Variants in IL1RAP observed in about 807,000 individuals in gnomAD.
IL1RAP encodes the protein interleukin-1 receptor accessory protein.
IL1RAP carries 35 observed loss-of-function variants against 60.7 expected under a neutral mutation model. The observed-to-expected ratio is 0.58, with a 90% CI of 0.44 to 0.76. The LOEUF is 0.76. IL1RAP is among the 30% of genes least tolerant of loss of function. The pLI, the probability that IL1RAP is intolerant of heterozygous loss-of-function variation, is 0.00. For synonymous variants in IL1RAP, 268 were observed against 250.9 expected, an observed-to-expected ratio of 1.07 and a Z score of -0.64; for missense variants, 572 against 693.9, an observed-to-expected ratio of 0.82 and a Z score of 1.97.
chr3:190,603,024 A>C (rs1378452192), intron 3 of IL1RAP, among the ~76,000 whole-genome samples: 1 of 152,152 alleles, frequency 6.6e-6, no homozygotes, highest in Non-Finnish European at 1.5e-5. Flanking sequence ...AAATTCTTTA[A>C]AAGAAGTTTG....
At chr3:190,596,004 T>A (rs918389323) in intron 3 of IL1RAP, among the ~76,000 whole-genome samples, 14 of 152,202 alleles carry the variant, frequency 9.2e-5, no homozygotes, top group South Asian at 6.2e-4. Flanking sequence ...CACAGCACTG[T>A]AAGATAGGCA....
intron 1 of IL1RAP, among the ~76,000 whole-genome samples, chr3:190,522,306 C>T (rs1323152981): frequency 9.9e-6 from 1 of 100,714 alleles, no homozygotes; most frequent in African/African-American, 8.0e-5. Context: ...TCCTTCCTTC[C>T]TTCCTTCCTT....
At chr3:190,576,874 G>A (rs1416576686) in intron 3 of IL1RAP, among the ~76,000 whole-genome samples, 7 of 152,202 alleles carry the variant, frequency 4.6e-5, no homozygotes, top group Admixed American at 4.6e-4. Flanking sequence ...AGCACTTTGG[G>A]AGGCTGAGGT....
In IL1RAP at chr3:190,637,856, AC is replaced by A. The variant is rs139501297; in HGVS notation, c.1052-6391del. 6.7e-3 allele frequency among the ~76,000 whole-genome samples: 1,020 copies of A among 151,402 alleles called. 16 individuals are homozygous for A. The highest frequency in any genetic ancestry group is 0.023 in the African/African-American group (967 of 41,238). ...TAGTTTTTTTTTTATATATTCTAGA[AC>A]TCTGTGTATGTGGACCCATACAGAA... On this transcript the variant is annotated intron_variant, in intron 9 of 11. Coordinates refer to ENST00000447382, the MANE Select transcript of IL1RAP (RefSeq NM_002182.4).
chr3:190,588,941 T>C (rs1411302233), intron 3 of IL1RAP, among the ~76,000 whole-genome samples: 1 of 152,222 alleles, frequency 6.6e-6, no homozygotes. Context: ...GTTGGTTTTA[T>C]ATGCAGAAGT....
At chr3:190,547,900 G>C (rs562005807) in intron 1 of IL1RAP, among the ~76,000 whole-genome samples, 3 of 152,200 alleles carry the variant, frequency 2.0e-5, no homozygotes, top group Non-Finnish European at 4.4e-5. Context: ...AATGGAGAAT[G>C]AGGAGCCCCT....
At chr3:190,524,902 A>G (rs1331383397) in intron 1 of IL1RAP, among the ~76,000 whole-genome samples, 1 of 152,156 alleles carries the variant, frequency 6.6e-6, no homozygotes, top group Non-Finnish European at 1.5e-5. Flanking sequence ...ACACATACAT[A>G]TACATATGTA....
In IL1RAP at chr3:190,648,591, T is replaced by G; in HGVS notation, c.1599T>G (p.Tyr533Ter). 6.2e-7 allele frequency: 1 copy of G among 1,613,996 alleles called. No homozygotes were observed. The highest frequency in any genetic ancestry group is 8.5e-7 in the Non-Finnish European group (1 of 1,180,004). The change falls in exon 12 of 12, where the codon TAT (tyrosine) becomes TAG (stop). Residue 533 changes from tyrosine (Y) to a stop codon, truncating the protein, a stop_gained. Transcript: ENST00000447382. LOFTEE classifies it high-confidence loss of function. ...AATGGAAAGGGGAAAAATCCAAGTA[T>G]CCACAGGGCAGGTTCTGGAAGCAGC... ...VIKWKGEKSKYPQGRFWKQLQ... is the reference protein window; with the variant it reads ...VIKWKGEKSK
chr3:190,591,302 C>T (rs988512587), intron 3 of IL1RAP, among the ~76,000 whole-genome samples: 2 of 152,160 alleles, frequency 1.3e-5, no homozygotes, highest in Non-Finnish European at 2.9e-5. Context: ...CACATAGTCA[C>T]GTGGATAGGA....
chr3:190,557,025 G>T (rs1273986192), intron 2 of IL1RAP, among the ~76,000 whole-genome samples: 2 of 152,118 alleles, frequency 1.3e-5, no homozygotes, highest in Non-Finnish European at 2.9e-5. Flanking sequence ...TTGTCCTCTG[G>T]AGAGAGGGTA....
At chr3:190,613,810 G>A (rs1731031122) in intron 5 of IL1RAP, among the ~76,000 whole-genome samples, 1 of 151,600 alleles carries the variant, frequency 6.6e-6, no homozygotes, top group Admixed American at 6.6e-5. Context: ...TCCAGCCTGG[G>A]CAATGGAGGG....
intron 1 of IL1RAP, among the ~76,000 whole-genome samples, chr3:190,539,410 A>T (rs1196819273): frequency 6.6e-6 from 1 of 152,114 alleles, no homozygotes; most frequent in Non-Finnish European, 1.5e-5. Context: ...ATGCTTTTCT[A>T]TCTTGTGATA....
intron 1 of IL1RAP, among the ~76,000 whole-genome samples, chr3:190,553,473 CT>C (rs1475400948): frequency 2.0e-5 from 3 of 152,114 alleles, no homozygotes; most frequent in Admixed American, 2.0e-4. Context: ...ACCTCTTATT[CT>C]TATGCAAATG....
Position 190,535,197 on chromosome 3 carries a change from T to C in IL1RAP, c.-88-20933T>C, listed in dbSNP as rs191394229. Among the ~76,000 whole-genome samples, 291 of 152,298 alleles carry C rather than the reference T, an allele frequency of 1.9e-3. 3 individuals carry two copies. The highest frequency in any genetic ancestry group is 6.6e-3 in the African/African-American group (276 of 41,562). On this transcript the variant is annotated intron_variant, in intron 1 of 11. Transcript: ENST00000447382. ...ATTTGACATATCAACCCTGCGGCCT[T>C]TGTTCTGGAGGTACACTGAAACTTG...
intron 3 of IL1RAP, 137 bp from the exon 4 acceptor site, chr3:190,603,991 T>G: frequency 1.3e-6 from 1 of 792,614 alleles, no homozygotes; most frequent in Non-Finnish European, 2.0e-6. Flanking sequence ...TATGCAATTA[T>G]TAGAGGGAGG....
chr3:190,579,443 G>A (rs1020064422), intron 3 of IL1RAP, among the ~76,000 whole-genome samples: 20 of 152,218 alleles, frequency 1.3e-4, no homozygotes, highest in African/African-American at 4.8e-4. Flanking sequence ...AGGAAATAGA[G>A]GCCCGGAGAG....
At chr3:190,570,324 C>T (rs757979950) in intron 3 of IL1RAP, among the ~76,000 whole-genome samples, 16 of 152,122 alleles carry the variant, frequency 1.1e-4, no homozygotes, top group East Asian at 1.9e-4. Flanking sequence ...AAGATGACTA[C>T]GACAATGAGA....
chr3:190,573,937 G>A (rs372794490), intron 3 of IL1RAP, among the ~76,000 whole-genome samples: 15 of 152,180 alleles, frequency 9.9e-5, no homozygotes, highest in African/African-American at 3.6e-4. Flanking sequence ...AGAAATACAT[G>A]TTTTCTTCCA....
intron 1 of IL1RAP, among the ~76,000 whole-genome samples, chr3:190,532,673 T>C (rs113290228): frequency 1.6e-4 from 25 of 152,306 alleles, no homozygotes; most frequent in African/African-American, 5.8e-4. Context: ...GTAAAGCTCA[T>C]GATGAAACCC....
Sources: gnomAD v4.1 joint callset for allele counts (sites outside exome capture counted in the v4.1 genomes callset) on GRCh38, gnomAD v4.1.1 for gene constraint, MANE v1.5 for transcripts, NCBI Gene and HGNC (gene_info 2026-07-23, HGNC 2026-07-21) for gene names.